Variants in MAEA observed in about 807,000 individuals in gnomAD.
MAEA encodes the protein E3 ubiquitin-protein transferase MAEA.
In MAEA, 22 loss-of-function variants were observed where a neutral mutation model predicts 46.2. That is an observed-to-expected ratio of 0.48 (90% CI 0.34 to 0.68). MAEA has a LOEUF of 0.68. Ranked by LOEUF, MAEA falls within the 30% of genes least tolerant of loss-of-function variation. MAEA has a pLI of 0.01. For missense variants in MAEA, 393 were observed against 558.1 expected (o/e 0.70, Z 2.98); for synonymous variants, 246 against 222.6 (o/e 1.11, Z -0.94).
intron 4 of MAEA, among the ~76,000 whole-genome samples, chr4:1,323,861 CTCGGGGCCCTGAA>C (rs1044550553): frequency 6.6e-6 from 1 of 152,380 alleles, no homozygotes; most frequent in African/African-American, 2.4e-5. Flanking sequence ...AGGGCCAGGA[CTCGGGGCCCTGAA>C]TGCATGCCTG....
At chr4:1,300,216 G>T (rs1245297136) in intron 1 of MAEA, among the ~76,000 whole-genome samples, 1 of 152,198 alleles carries the variant, frequency 6.6e-6, no homozygotes, top group Non-Finnish European at 1.5e-5. Flanking sequence ...CCACGGAGCT[G>T]TTTCAGGAAA....
chr4:1,329,243 C>G (rs575457772), intron 5 of MAEA: 1 of 985,660 alleles, frequency 1.0e-6, no homozygotes, highest in African/African-American at 1.7e-5. Context: ...GTTACCCTGG[C>G]TCCGTGTAGG....
At chr4:1,326,274 C>T (rs573116918) in intron 4 of MAEA, among the ~76,000 whole-genome samples, 7 of 152,342 alleles carry the variant, frequency 4.6e-5, no homozygotes, top group East Asian at 1.9e-4. Context: ...CTGTTCATGC[C>T]GTCCTGAGAG....
intron 1 of MAEA, among the ~76,000 whole-genome samples, chr4:1,297,210 G>A (rs1230607931): frequency 6.6e-6 from 1 of 152,256 alleles, no homozygotes; most frequent in Non-Finnish European, 1.5e-5. Flanking sequence ...CTTGTTCAGT[G>A]ACAGCCGAGA....
intron 3 of MAEA, among the ~76,000 whole-genome samples, chr4:1,319,635 C>G (rs1185724297): frequency 6.6e-6 from 1 of 152,246 alleles, no homozygotes; most frequent in African/African-American, 2.4e-5. Context: ...CTTTGGGAGA[C>G]CAGGGTGGGA....
chr4:1,328,724 G>A (rs183881704), intron 5 of MAEA: 27 of 1,248,490 alleles, frequency 2.2e-5, no homozygotes, highest in African/African-American at 1.1e-4. Context: ...CAAGACGCAC[G>A]GCAGAACCGC....
intron 1 of MAEA, among the ~76,000 whole-genome samples, chr4:1,294,143 G>A (rs550219650): frequency 6.6e-5 from 10 of 152,196 alleles, no homozygotes; most frequent in African/African-American, 2.4e-4. Flanking sequence ...TCCAGAATCC[G>A]CCCGGTCTCT....
chr4:1,338,501 C>T lies in MAEA; in HGVS notation c.979C>T (p.Pro327Ser), dbSNP rs1252092726. The T allele has an allele frequency of 6.2e-7, 1 of 1,613,160 alleles. No homozygotes were observed. Among genetic ancestry groups the T allele is most frequent in the Non-Finnish European group, 8.5e-7 (1 of 1,180,006 alleles). Residue 327 changes from proline to serine, a missense_variant, in exon 8 of 9, where the codon CCC (proline) becomes TCC (serine). Transcript: ENST00000303400. The stretch of plus-strand genomic sequence containing the variant: ...CCGCTCCCTGAACAAGCTGGCGCAG[C>T]CCCTGCCCATGGCCCACTGTGCCAA... Reference protein sequence around the residue: ...CSRSLNKLAQPLPMAHCANSR... With the variant: ...CSRSLNKLAQSLPMAHCANSR...
chr4:1,310,236 G>A (rs989728019), intron 1 of MAEA, among the ~76,000 whole-genome samples: 4 of 150,684 alleles, frequency 2.7e-5, no homozygotes, highest in Admixed American at 6.6e-5. Flanking sequence ...TCAGGGCCTC[G>A]GGGGGGCCTT....
intron 1 of MAEA, among the ~76,000 whole-genome samples, chr4:1,293,109 G>T (rs1452892730): frequency 6.6e-6 from 1 of 151,814 alleles, no homozygotes. Flanking sequence ...TTGTCCAGCT[G>T]GTCTTGAACT....
At chr4:1,302,202 A>G (rs1205073186) in intron 1 of MAEA, among the ~76,000 whole-genome samples, 1 of 152,258 alleles carries the variant, frequency 6.6e-6, no homozygotes, top group African/African-American at 2.4e-5. Context: ...AGTTGGTTCA[A>G]CGTGTGAAAA....
At chr4:1,329,661 TG>T (rs1450319941) in intron 5 of MAEA, 113 of 985,416 alleles carry the variant, frequency 1.1e-4, no homozygotes, top group Non-Finnish European at 1.3e-4. Flanking sequence ...CAGCTCAGCG[TG>T]GCCCTGGAGC....
chr4:1,307,943 G>C (rs1023094116), intron 1 of MAEA, among the ~76,000 whole-genome samples: 4 of 152,002 alleles, frequency 2.6e-5, no homozygotes, highest in African/African-American at 9.7e-5. Context: ...TGCTTCACAG[G>C]TTCTCTAGGT....
chr4:1,327,539 T>G lies in MAEA; in HGVS notation c.580-88T>G. On this transcript the variant is annotated intron_variant, in intron 4 of 8. Transcript: ENST00000303400. ...GGGGTTCAGAGCTTTGGTTGTGGGG[T>G]CTGCTGGTGGACATGCGGGTGCGGC... The G allele has an allele frequency of 6.9e-6, 6 of 866,330 alleles. 1 individual carries two copies. In the South Asian group the frequency reaches 7.9e-5, roughly 11 times the overall value. The allele number at this position is 866,330 out of a possible 1,614,324, so 53.7% of individuals were successfully genotyped here. A position where few individuals can be genotyped will look rare whatever the true frequency, so the allele number is the denominator to read the frequency against.
At chr4:1,312,256 G>C in intron 2 of MAEA, 95 bp downstream of exon 2, 1 of 1,473,808 alleles carries the variant, frequency 6.8e-7, no homozygotes, top group Non-Finnish European at 9.2e-7. Context: ...GCAATGATGG[G>C]AACGCGGGAG....
intron 1 of MAEA, among the ~76,000 whole-genome samples, chr4:1,303,232 CAAAAAAAA>C (rs71168823): frequency 1.5e-5 from 1 of 65,674 alleles, no homozygotes. Flanking sequence ...ACTAAAAATA[CAAAAAAAA>C]AAAAAAAAAA....
At chr4:1,293,297 C>T (rs999493025) in intron 1 of MAEA, among the ~76,000 whole-genome samples, 2 of 151,860 alleles carry the variant, frequency 1.3e-5, no homozygotes, top group African/African-American at 2.4e-5. Flanking sequence ...GAGGCTGAGG[C>T]GAGAGGATCA....
intron 5 of MAEA, chr4:1,329,660 G>A (rs369514320): frequency 1.6e-4 from 154 of 985,456 alleles, no homozygotes; most frequent in Non-Finnish European, 1.8e-4. Context: ...TCAGCTCAGC[G>A]TGGCCCTGGA....
At chr4:1,322,083 G>C (rs548607022) in intron 3 of MAEA, among the ~76,000 whole-genome samples, 1 of 152,322 alleles carries the variant, frequency 6.6e-6, no homozygotes, top group East Asian at 1.9e-4. Context: ...GGCCCTGCCT[G>C]CATGTGTGTC....
Sources: gnomAD v4.1 joint callset for allele counts (sites outside exome capture counted in the v4.1 genomes callset) on GRCh38, gnomAD v4.1.1 for gene constraint, MANE v1.5 for transcripts, NCBI Gene and HGNC (gene_info 2026-07-23, HGNC 2026-07-21) for gene names.